PTPRG: variants seen among roughly 807,000 people sequenced by gnomAD.
PTPRG encodes protein tyrosine phosphatase receptor type G, also known as receptor-type tyrosine-protein phosphatase gamma.
In PTPRG, 102 loss-of-function variants were observed where a neutral mutation model predicts 165.3. The observed-to-expected ratio is 0.62, with a 90% CI of 0.53 to 0.73. PTPRG has a LOEUF of 0.73. PTPRG is among the 30% of genes least tolerant of loss of function. The probability of loss-of-function intolerance (pLI) is 0.00; values close to 1 mark genes in which losing one functional copy is unlikely to be tolerated. For missense variants in PTPRG, 1,866 were observed against 1,861.4 expected (o/e 1.00, Z -0.05); for synonymous variants, 675 against 669.5 (o/e 1.01, Z -0.13).
chr3:61,850,205 C>T (rs1290463983), intron 2 of PTPRG, among the ~76,000 whole-genome samples: 1 of 151,946 alleles, frequency 6.6e-6, no homozygotes, highest in African/African-American at 2.4e-5. Flanking sequence ...CTCTTTCACC[C>T]CTGCTGGAGT....
At chr3:62,208,050 T>G (rs752878238) in intron 12 of PTPRG, among the ~76,000 whole-genome samples, 1 of 152,242 alleles carries the variant, frequency 6.6e-6, no homozygotes, top group Non-Finnish European at 1.5e-5. Context: ...TTTAAAAATG[T>G]AGGCCAAACT....
chr3:62,198,377 C>T (rs17066270), intron 10 of PTPRG, among the ~76,000 whole-genome samples: 5,795 of 152,272 alleles, frequency 0.038, 265 homozygotes, highest in East Asian at 0.24. Flanking sequence ...CAATCACTAA[C>T]ACACAGCAAT....
At chr3:61,792,450 C>T (rs2034904759) in intron 2 of PTPRG, among the ~76,000 whole-genome samples, 1 of 152,014 alleles carries the variant, frequency 6.6e-6, no homozygotes, top group South Asian at 2.1e-4. Flanking sequence ...GGTGTCAAAA[C>T]TCCTGGGCTC....
chr3:62,289,095 T>G (rs942293405), intron 28 of PTPRG, among the ~76,000 whole-genome samples: 1 of 152,194 alleles, frequency 6.6e-6, no homozygotes, highest in African/African-American at 2.4e-5. Context: ...TTTACAAGTA[T>G]CAGCTCAATT....
chr3:61,716,176 G>A (rs986944065), intron 1 of PTPRG, among the ~76,000 whole-genome samples: 3 of 152,164 alleles, frequency 2.0e-5, no homozygotes, highest in Admixed American at 6.5e-5. Flanking sequence ...CAGAATTGGG[G>A]ATCACGTCAC....
At chr3:62,092,794 A>C (rs182394020) in intron 5 of PTPRG, among the ~76,000 whole-genome samples, 101 of 152,302 alleles carry the variant, frequency 6.6e-4, no homozygotes, top group African/African-American at 2.3e-3. Context: ...ACTAGCTCTC[A>C]TTATAATTTA....
chr3:62,262,823 T>G lies in PTPRG; in HGVS notation c.2585T>G (p.Met862Arg), dbSNP rs141106066. Residue 862 changes from methionine to arginine, a missense_variant, in exon 17 of 30, where the codon ATG becomes AGG. By Grantham distance (91) the Met-to-Arg change is moderately conservative (BLOSUM62 -1). This residue lies in a region of PTPRG where 1,452 missense variants were observed against 1,463.0 expected (regional missense o/e 0.99). Transcript: ENST00000474889. ...GAAGTCCAGCGCTGTACTGCTGATA[T>G]GAACATCACTGCAGAGCATTCCAAT... ...FEEVQRCTAD[M>R]NITAEHSNHP... 1.2e-6 allele frequency: 2 copies of G among 1,613,686 alleles called. No individual in the cohort carries two copies. The highest frequency in any genetic ancestry group is 1.3e-5 in the African/African-American group (1 of 74,902).
At chr3:61,925,918 GT>G in intron 2 of PTPRG, 2 of 495,138 alleles carry the variant, frequency 4.0e-6, no homozygotes, top group Non-Finnish European at 4.0e-6. Context: ...AACCAGCAGT[GT>G]TTCCATAGGA....
intron 14 of PTPRG, among the ~76,000 whole-genome samples, chr3:62,238,919 G>A (rs1701092606): frequency 6.6e-6 from 1 of 152,068 alleles, no homozygotes; most frequent in South Asian, 2.1e-4. Context: ...AACTAATTTG[G>A]GTCATTACTA....
At chr3:61,714,097 G>A (rs79658640) in intron 1 of PTPRG, among the ~76,000 whole-genome samples, 2,106 of 152,174 alleles carry the variant, frequency 0.014, 57 homozygotes, top group African/African-American at 0.044. Flanking sequence ...TAAAATATGA[G>A]CTCTATGACT....
intron 1 of PTPRG, among the ~76,000 whole-genome samples, chr3:61,585,708 C>T (rs536099470): frequency 6.6e-6 from 1 of 152,224 alleles, no homozygotes; most frequent in South Asian, 2.1e-4. Context: ...GATGGTGCCA[C>T]CACACTCCAG....
intron 2 of PTPRG, among the ~76,000 whole-genome samples, chr3:61,897,659 A>T (rs898343586): frequency 6.6e-6 from 1 of 152,192 alleles, no homozygotes; most frequent in Non-Finnish European, 1.5e-5. Context: ...AATAGTATAG[A>T]TCAGTTTGGG....
At chr3:61,924,104 A>G (rs2039149058) in intron 2 of PTPRG, among the ~76,000 whole-genome samples, 2 of 152,090 alleles carry the variant, frequency 1.3e-5, no homozygotes, top group South Asian at 4.1e-4. Context: ...CTGCTATTCA[A>G]AATTTATGTT....
At chr3:61,755,386 C>T (rs2033601874) in intron 2 of PTPRG, among the ~76,000 whole-genome samples, 2 of 152,326 alleles carry the variant, frequency 1.3e-5, no homozygotes, top group Admixed American at 1.3e-4. Context: ...CATGTCTCAG[C>T]TCAAAGGCTC....
At chr3:62,045,614 G>A (rs1456170201) in intron 4 of PTPRG, among the ~76,000 whole-genome samples, 1 of 152,144 alleles carries the variant, frequency 6.6e-6, no homozygotes, top group Non-Finnish European at 1.5e-5. Context: ...TTCTGTACCT[G>A]TCAAATGTCC....
At chr3:61,625,753 C>T (rs1212137275) in intron 1 of PTPRG, among the ~76,000 whole-genome samples, 4 of 152,134 alleles carry the variant, frequency 2.6e-5, no homozygotes, top group Non-Finnish European at 4.4e-5. Flanking sequence ...TCTAAGAACA[C>T]TCTTAAGCAT....
intron 1 of PTPRG, among the ~76,000 whole-genome samples, chr3:61,581,295 T>A (rs1700287298): frequency 1.3e-5 from 2 of 152,338 alleles, no homozygotes; most frequent in South Asian, 4.1e-4. Context: ...TGTTAATTAG[T>A]TCCAGACACT....
At chr3:61,770,523 A>G (rs1466319420) in intron 2 of PTPRG, 6 of 152,136 alleles carry the variant, frequency 3.9e-5, no homozygotes, top group African/African-American at 1.4e-4. Flanking sequence ...GTGTATATAT[A>G]TTTGTGTGGT....
intron 2 of PTPRG, among the ~76,000 whole-genome samples, chr3:61,791,639 C>T (rs1025699858): frequency 6.6e-6 from 1 of 152,144 alleles, no homozygotes; most frequent in South Asian, 2.1e-4. Context: ...AGACATGTGC[C>T]ACCACGCCTG....
Sources: gnomAD v4.1 joint callset for allele counts (sites outside exome capture counted in the v4.1 genomes callset) on GRCh38, gnomAD v4.1.1 for gene constraint, gnomAD v4.1.1 regional missense constraint, MANE v1.5 for transcripts, NCBI Gene and HGNC (gene_info 2026-07-23, HGNC 2026-07-21) for gene names.